NUP188: variants seen among roughly 807,000 people sequenced by gnomAD.
The protein encoded by NUP188 is nucleoporin NUP188.
NUP188 carries 97 observed loss-of-function variants against 223.0 expected under a neutral mutation model. That is an observed-to-expected ratio of 0.43 (90% CI 0.37 to 0.51). The LOEUF (loss-of-function observed/expected upper bound fraction) is 0.51, where lower values mean the gene tolerates loss of function less well. NUP188 is among the 20% of genes least tolerant of loss of function. NUP188 has a pLI of 0.00. For synonymous variants in NUP188, 869 were observed against 828.0 expected (o/e 1.05, Z -0.85); for missense variants, 1,947 against 2,175.6 (o/e 0.89, Z 2.09).
chr9:128,986,983 C>G, intron 22 of NUP188, 108 bp downstream of exon 22: 1 of 893,374 alleles, frequency 1.1e-6, no homozygotes, highest in Non-Finnish European at 1.8e-6. Flanking sequence ...TGCTTGAGCC[C>G]AGAACTCAGT....
rs1376309585 is a variant in NUP188, at chr9:129,001,991, C to T, written c.4137+15C>T. 3 of 1,608,848 alleles carry T rather than the reference C, an allele frequency of 1.9e-6. No homozygotes were observed. The highest frequency in any genetic ancestry group is 2.7e-5 in the African/African-American group (2 of 74,854). On this transcript the variant is annotated intron_variant, in intron 36 of 43. Transcript: ENST00000372577. ...GCACAGCACAGGTGAGTGTCAGGAG[C>T]TTGCCAGGAGGCCCAGCCTGACCAC...
chr9:128,956,618 A>G (rs541523192), intron 4 of NUP188, among the ~76,000 whole-genome samples, 184 bp downstream of exon 4: 2 of 152,190 alleles, frequency 1.3e-5, no homozygotes, highest in Admixed American at 1.3e-4. Flanking sequence ...CATTCACTGC[A>G]TATCATAGGG....
At chr9:128,994,277 T>C (rs955206129) in intron 27 of NUP188, 96 bp from the exon 28 acceptor site, 55 of 821,036 alleles carry the variant, frequency 6.7e-5, no homozygotes, top group East Asian at 1.2e-4. Context: ...TTGAGACTGG[T>C]AAAATATGAA....
Position 128,987,661 on chromosome 9 carries a change from T to C in NUP188, c.2337T>C (p.Asn779=). Residue 779 remains asparagine, a synonymous_variant, in exon 23 of 44, where the codon AAT becomes AAC. Coordinates refer to ENST00000372577, the MANE Select transcript of NUP188 (RefSeq NM_015354.3). The stretch of plus-strand genomic sequence containing the variant: ...CAGAAGCAGGACAGACAGTTATCAA[T>C]ATCATGGGCATTGGCGTGGACACCA... The part of the protein sequence containing the change: ...AYTEAGQTVI[N]IMGIGVDTID... 2 of 1,614,122 alleles carry C rather than the reference T, an allele frequency of 1.2e-6. No individual in the cohort carries two copies. The highest frequency in any genetic ancestry group is 1.3e-5 in the African/African-American group (1 of 75,058).
intron 3 of NUP188, among the ~76,000 whole-genome samples, chr9:128,954,626 C>T (rs1232048622): frequency 1.5e-4 from 22 of 151,120 alleles, no homozygotes; most frequent in African/African-American, 2.7e-4. Flanking sequence ...CCTCATGATC[C>T]GCCCGCCTCG....
intron 12 of NUP188, 143 bp from the exon 13 acceptor site, chr9:128,979,119 C>T: frequency 1.9e-6 from 1 of 532,538 alleles, no homozygotes; most frequent in Non-Finnish European, 3.4e-6. Flanking sequence ...CCCCAGGCTG[C>T]TCTGGAACTC....
At chr9:128,990,403 C>T (rs1588285741) in intron 25 of NUP188, among the ~76,000 whole-genome samples, 177 bp downstream of exon 25, 1 of 151,592 alleles carries the variant, frequency 6.6e-6, no homozygotes, top group East Asian at 1.9e-4. Flanking sequence ...CAGCCTGGGC[C>T]ACATAGTGAG....
At chr9:128,976,431 G>A (rs1375206918) in intron 12 of NUP188, among the ~76,000 whole-genome samples, 3 of 152,120 alleles carry the variant, frequency 2.0e-5, no homozygotes, top group African/African-American at 4.8e-5. Flanking sequence ...AGCACTTTGG[G>A]AGACCAAAGA....
intron 8 of NUP188, among the ~76,000 whole-genome samples, chr9:128,967,124 T>C (rs1340381523): frequency 6.6e-6 from 1 of 152,074 alleles, no homozygotes; most frequent in Non-Finnish European, 1.5e-5. Context: ...TCTCCTGCCT[T>C]AGGCTCCAGT....
At chr9:128,994,808 G>A (rs745921957) in intron 28 of NUP188, 48 bp from the exon 29 acceptor site, 2 of 1,446,822 alleles carry the variant, frequency 1.4e-6, no homozygotes, top group Non-Finnish European at 1.9e-6. Flanking sequence ...TACTGGGGGA[G>A]ATCAGTGATC....
intron 8 of NUP188, among the ~76,000 whole-genome samples, chr9:128,966,254 C>CTG (rs952904931): frequency 8.4e-6 from 1 of 118,648 alleles, no homozygotes; most frequent in Non-Finnish European, 1.8e-5. Flanking sequence ...CTGTCTGTCT[C>CTG]TGTGTCTGTG....
intron 12 of NUP188, among the ~76,000 whole-genome samples, chr9:128,975,067 A>AT (rs1350949213): frequency 3.3e-5 from 5 of 150,878 alleles, no homozygotes; most frequent in Admixed American, 3.3e-4. Flanking sequence ...GGCTGAAGTT[A>AT]TTTTTTTTAT....
chr9:128,964,661 C>T (rs1299227968), intron 8 of NUP188, among the ~76,000 whole-genome samples: 1 of 151,200 alleles, frequency 6.6e-6, no homozygotes, highest in African/African-American at 2.4e-5. Context: ...GCATGAGCCA[C>T]TGCTCCTAGA....
rs2131172305 is a variant in NUP188 at position 128,988,066 on chromosome 9, G to A, written c.2413G>A (p.Gly805Arg). The A allele has an allele frequency of 6.2e-7, 1 of 1,614,210 alleles. No individual in the cohort carries two copies. Among genetic ancestry groups the A allele is most frequent in the African/African-American group, 1.3e-5 (1 of 75,060 alleles). Residue 805 changes from glycine to arginine, a missense_variant, in exon 24 of 44, where the codon GGG (glycine) becomes AGG (arginine). Coordinates refer to ENST00000372577, the MANE Select transcript of NUP188 (RefSeq NM_015354.3). ...CCCTAGTGATGGGGCAGAGGGCCAG[G>A]GGCAGGGCCAGCTGCTGATCAAGAC... is the stretch of plus-strand genomic sequence containing the variant. The part of the protein sequence containing the change: ...QPRSDGAEGQ[G>R]QGQLLIKTVK...
intron 2 of NUP188, among the ~76,000 whole-genome samples, chr9:128,950,403 T>C (rs1425040998): frequency 6.6e-6 from 1 of 152,088 alleles, no homozygotes; most frequent in East Asian, 1.9e-4. Flanking sequence ...GTATTTTTAG[T>C]AGAGATGGGG....
chr9:128,988,727 T>G (rs968699790), intron 24 of NUP188, among the ~76,000 whole-genome samples: 1 of 117,912 alleles, frequency 8.5e-6, no homozygotes, highest in Non-Finnish European at 1.7e-5. Flanking sequence ...TAATTTTTTT[T>G]TTTTTTTTTT....
intron 30 of NUP188, among the ~76,000 whole-genome samples, 190 bp downstream of exon 30, chr9:128,995,704 TTAAG>T (rs1432334441): frequency 2.6e-5 from 4 of 152,146 alleles, no homozygotes; most frequent in African/African-American, 9.7e-5. Context: ...CAGGAGACCA[TTAAG>T]AGGAATGCAG....
intron 38 of NUP188, among the ~76,000 whole-genome samples, chr9:129,004,296 A>G (rs1842734286): frequency 6.6e-6 from 1 of 151,666 alleles, no homozygotes; most frequent in South Asian, 2.1e-4. Context: ...AAAAAAAAAA[A>G]AAACTAAACT....
Position 128,949,039 on chromosome 9 carries a change from A to G in NUP188, c.33-150A>G, listed in dbSNP as rs376739668. ...CGTGCCCGGCCCTAACAATATTATT[A>G]TATAACAAGATTACTTTCCAAAAAT... On this transcript the variant is annotated intron_variant, in intron 1 of 43. Coordinates refer to ENST00000372577, the MANE Select transcript of NUP188 (RefSeq NM_015354.3). 31 of 591,082 alleles carry G rather than the reference A, an allele frequency of 5.2e-5. No homozygotes were observed. In the East Asian group the frequency reaches 6.0e-4, roughly 12 times the overall value. 36.6% of individuals were successfully genotyped at this position (591,082 alleles called of 1,614,324 possible).
Sources: allele counts gnomAD v4.1 joint callset (sites outside exome capture counted in the v4.1 genomes callset), GRCh38; gene constraint gnomAD v4.1.1; transcripts MANE v1.5; gene names NCBI Gene and HGNC (gene_info 2026-07-23, HGNC 2026-07-21).